The following EPHA5 variants were observed in gnomAD, a reference collection of about 807,000 sequenced individuals.
EPHA5 encodes EPH receptor A5, also known as ephrin type-A receptor 5.
Under a neutral mutation model 105.0 loss-of-function variants are expected in EPHA5, and 60 were observed. The ratio of observed to expected loss-of-function variants is 0.57; its 90% confidence interval spans 0.46 to 0.71. The LOEUF (loss-of-function observed/expected upper bound fraction) is 0.71. EPHA5 is among the 30% of genes least tolerant of loss of function. EPHA5 has a pLI of 0.00. For missense variants in EPHA5, 1,218 were observed against 1,274.7 expected, an observed-to-expected ratio of 0.96 and a Z score of 0.68; for synonymous variants, 513 against 449.1, an observed-to-expected ratio of 1.14 and a Z score of -1.80.
chr4:65,379,298 C>CTCCA (rs1285138764), intron 8 of EPHA5, among the ~76,000 whole-genome samples: 3 of 151,800 alleles, frequency 2.0e-5, no homozygotes, highest in Non-Finnish European at 4.4e-5. Context: ...CACACACTCA[C>CTCCA]ACAGAATTCA....
chr4:65,350,234 T>C (rs1277710244), intron 13 of EPHA5, among the ~76,000 whole-genome samples: 1 of 152,034 alleles, frequency 6.6e-6, no homozygotes, highest in Non-Finnish European at 1.5e-5. Context: ...CACTGATAGG[T>C]CTGGAAGAGG....
chr4:65,327,217 A>G (rs1464281605), intron 16 of EPHA5, among the ~76,000 whole-genome samples: 1 of 151,274 alleles, frequency 6.6e-6, no homozygotes, highest in Admixed American at 6.6e-5. Flanking sequence ...GTTTATTGAA[A>G]AATGAAATCT....
chr4:65,392,518 T>C (rs1301768041), intron 8 of EPHA5, among the ~76,000 whole-genome samples: 1 of 152,140 alleles, frequency 6.6e-6, no homozygotes, highest in East Asian at 1.9e-4. Flanking sequence ...ATGCCAAATA[T>C]ATCAATTTAT....
intron 15 of EPHA5, among the ~76,000 whole-genome samples, chr4:65,334,764 GTAA>G (rs1448650295): frequency 1.3e-4 from 20 of 151,876 alleles, no homozygotes; most frequent in African/African-American, 4.3e-4. Flanking sequence ...CTCTCAAGCT[GTAA>G]TAATGATGCC....
chr4:65,579,359 TATATATATATATATATAA>T (rs1399011988), intron 3 of EPHA5, among the ~76,000 whole-genome samples: 4 of 22,174 alleles, frequency 1.8e-4, no homozygotes, highest in Non-Finnish European at 3.9e-4. Flanking sequence ...TGTATGTGTG[TATATATATATATATATAA>T]ATATATATAT....
At chr4:65,338,784 A>T (rs1025249695) in intron 14 of EPHA5, among the ~76,000 whole-genome samples, 1 of 152,064 alleles carries the variant, frequency 6.6e-6, no homozygotes, top group East Asian at 1.9e-4. Flanking sequence ...ATGATTCTTT[A>T]TAATAGTTTT....
intron 2 of EPHA5, among the ~76,000 whole-genome samples, chr4:65,607,100 G>T (rs138004625): frequency 0.012 from 1,768 of 152,092 alleles, 36 homozygotes; most frequent in African/African-American, 0.04. Flanking sequence ...GTGCAAATGT[G>T]TGTGGTATGT....
At chr4:65,391,820 C>A (rs1720741760) in intron 8 of EPHA5, among the ~76,000 whole-genome samples, 1 of 152,226 alleles carries the variant, frequency 6.6e-6, no homozygotes, top group Non-Finnish European at 1.5e-5. Context: ...GGCTTTTGAC[C>A]TGCCCTTTGC....
intron 8 of EPHA5, among the ~76,000 whole-genome samples, chr4:65,383,132 T>C (rs1412624633): frequency 6.7e-6 from 1 of 150,124 alleles, no homozygotes; most frequent in Non-Finnish European, 1.5e-5. Flanking sequence ...ATCAGATATA[T>C]GATATGAAGA....
At chr4:65,620,263 T>C (rs1243028518) in intron 2 of EPHA5, among the ~76,000 whole-genome samples, 6 of 151,966 alleles carry the variant, frequency 3.9e-5, no homozygotes, top group Admixed American at 3.9e-4. Flanking sequence ...TTATTATATC[T>C]GGGAAAACTA....
chr4:65,373,126 A>C (rs1236074572), intron 8 of EPHA5, among the ~76,000 whole-genome samples: 1 of 151,888 alleles, frequency 6.6e-6, no homozygotes, highest in African/African-American at 2.4e-5. Flanking sequence ...TGTTTCATGG[A>C]TGCCACTATT....
chr4:65,350,494 A>G (rs954406480), intron 13 of EPHA5, among the ~76,000 whole-genome samples: 2 of 152,158 alleles, frequency 1.3e-5, no homozygotes, highest in African/African-American at 4.8e-5. Context: ...ATCAAATTGT[A>G]TAGGGAAAAA....
intron 3 of EPHA5, among the ~76,000 whole-genome samples, chr4:65,506,250 T>G (rs1733011907): frequency 6.6e-6 from 1 of 152,046 alleles, no homozygotes; most frequent in Admixed American, 6.6e-5. Flanking sequence ...AGTCTATCAT[T>G]GTTGGACATT....
intron 2 of EPHA5, among the ~76,000 whole-genome samples, chr4:65,622,117 C>A (rs1002542271): frequency 6.6e-6 from 1 of 152,038 alleles, no homozygotes; most frequent in Non-Finnish European, 1.5e-5. Context: ...ACATTACTCC[C>A]GTGTAACTAT....
intron 3 of EPHA5, among the ~76,000 whole-genome samples, chr4:65,498,254 C>A (rs1732138961): frequency 6.6e-6 from 1 of 151,798 alleles, no homozygotes; most frequent in African/African-American, 2.4e-5. Context: ...CAGAGGGCAC[C>A]AGGCCACAAA....
intron 5 of EPHA5, among the ~76,000 whole-genome samples, chr4:65,442,129 C>G (rs1026581645): frequency 2.6e-5 from 4 of 151,992 alleles, no homozygotes; most frequent in Non-Finnish European, 4.4e-5. Context: ...GTGCCACCCC[C>G]CCGCCACAAC....
intron 3 of EPHA5, among the ~76,000 whole-genome samples, chr4:65,548,296 A>G (rs149198973): frequency 3.6e-4 from 54 of 149,910 alleles, no homozygotes; most frequent in African/African-American, 1.2e-3. Flanking sequence ...TAAGAACTCA[A>G]TTTGCTTGGA....
intron 16 of EPHA5, chr4:65,331,019 A>G (rs1260127331): frequency 9.6e-7 from 1 of 1,044,542 alleles, no homozygotes; most frequent in African/African-American, 1.7e-5. Flanking sequence ...ATGTCAGAAT[A>G]ATAGAGATGG....
chr4:65,356,928 TACAG>T (rs1396783766), intron 11 of EPHA5, among the ~76,000 whole-genome samples: 15 of 151,492 alleles, frequency 9.9e-5, no homozygotes, highest in South Asian at 4.1e-4. Context: ...CAGCTTGAAG[TACAG>T]ACAAAGACTA....
Sources: gnomAD v4.1 joint callset for allele counts (sites outside exome capture counted in the v4.1 genomes callset) on GRCh38, gnomAD v4.1.1 for gene constraint, MANE v1.5 for transcripts, NCBI Gene and HGNC (gene_info 2026-07-23, HGNC 2026-07-21) for gene names.